VPS35L: variants seen among roughly 807,000 people sequenced by gnomAD.
The protein encoded by VPS35L is VPS35 endosomal protein sorting factor like.
Under a neutral mutation model 133.0 loss-of-function variants are expected in VPS35L, and 83 were observed. The observed-to-expected ratio is 0.62, with a 90% CI of 0.52 to 0.75. The LOEUF is 0.75. Ranked by LOEUF, VPS35L falls within the 30% of genes least tolerant of loss-of-function variation. VPS35L has a pLI of 0.00. For missense variants in VPS35L, 1,083 were observed against 1,206.8 expected (o/e 0.90, Z 1.52); for synonymous variants, 423 against 449.9 (o/e 0.94, Z 0.76).
At chr16:19,613,163 C>T (rs1212333050) in intron 12 of VPS35L, among the ~76,000 whole-genome samples, 3 of 152,070 alleles carry the variant, frequency 2.0e-5, no homozygotes, top group Non-Finnish European at 2.9e-5. Context: ...ATTAGCCGGG[C>T]GTGGTGGTAC....
chr16:19,569,817 C>T (rs1490661768), intron 3 of VPS35L, among the ~76,000 whole-genome samples: 1 of 152,016 alleles, frequency 6.6e-6, no homozygotes, highest in East Asian at 1.9e-4. Flanking sequence ...TATAGGTACA[C>T]ACTACTGTGC....
rs1434705532 is a variant in VPS35L at position 19,610,308 on chromosome 16, T to G, written c.930-14T>G. 6.2e-7 allele frequency: 1 copy of G among 1,611,634 alleles called. No homozygotes were observed. The highest frequency in any genetic ancestry group is 1.3e-5 in the African/African-American group (1 of 74,838). ...ACGTCGAATATAATGCTGGCCTGTT[T>G]TTGTCTCTTGCAGGGGAATTTCAGA... On this transcript the variant is annotated splice_polypyrimidine_tract_variant and intron_variant, in intron 11 of 30. Transcript: ENST00000417362.
rs1467857193 is a variant in VPS35L, at chr16:19,627,750, G to A, written c.1328G>A (p.Arg443Lys). The A allele has an allele frequency of 4.3e-6, 7 of 1,613,996 alleles. No homozygotes were observed. The African/African-American group carries it at 9.3e-5, about 22-fold the overall frequency. The change falls in exon 16 of 31, where the codon AGG (arginine) becomes AAG (lysine). Residue 443 changes from arginine (R) to lysine (K), a missense_variant. By Grantham distance (26) the Arg-to-Lys change is conservative (BLOSUM62 2). Transcript: ENST00000417362. ...TTCCGGGCTGAGTTCATCGCCACAA[G>A]GTCTATGGATTTCATTGGCATGATT... ...SAFRAEFIAT[R>K]SMDFIGMIKE...
chr16:19,591,566 G>A (rs765855002), intron 7 of VPS35L, among the ~76,000 whole-genome samples: 8 of 151,596 alleles, frequency 5.3e-5, no homozygotes, highest in Non-Finnish European at 1.0e-4. Context: ...AAAAAAAAAG[G>A]AAGGGAAAAC....
chr16:19,624,975 G>C (rs1043722903), intron 14 of VPS35L, among the ~76,000 whole-genome samples: 3 of 151,912 alleles, frequency 2.0e-5, no homozygotes, highest in Non-Finnish European at 4.4e-5. Context: ...TGCCCTAAAT[G>C]ATCCTTCTTC....
intron 8 of VPS35L, among the ~76,000 whole-genome samples, chr16:19,599,127 C>T (rs914015977): frequency 1.3e-5 from 2 of 152,310 alleles, no homozygotes; most frequent in African/African-American, 2.4e-5. Flanking sequence ...AGAACTGGGG[C>T]TTGTTCTCTA....
chr16:19,674,005 G>A lies in VPS35L; in HGVS notation c.2361+4706G>A, dbSNP rs145643823. On this transcript the variant is annotated intron_variant, in intron 27 of 30. Transcript: ENST00000417362. ...CCCTGTATCCCTCCTTGTGGGACGC[G>A]GCATTAGTAACTACTCACAGATGCT... Among the ~76,000 whole-genome samples the A allele has an allele frequency of 2.3e-3, 353 of 152,000 alleles. 2 individuals carry two copies. The highest frequency in any genetic ancestry group is 7.5e-3 in the African/African-American group (310 of 41,450).
chr16:19,581,841 G>A (rs7184710), intron 7 of VPS35L, 188 bp downstream of exon 7: 93,527 of 699,100 alleles, frequency 0.13, 6,855 homozygotes, highest in Middle Eastern at 0.2. Context: ...TAATCCCAGG[G>A]TTACCATGTG....
chr16:19,644,052 C>T (rs1261608825), intron 22 of VPS35L, among the ~76,000 whole-genome samples: 1 of 151,996 alleles, frequency 6.6e-6, no homozygotes, highest in Non-Finnish European at 1.5e-5. Context: ...GAGAACAAAC[C>T]AACAAACAAA....
In VPS35L at chr16:19,627,691, C is replaced by T. The variant is rs754779380; in HGVS notation, c.1272-3C>T. 1 of 1,607,402 alleles carries T rather than the reference C, an allele frequency of 6.2e-7. No homozygotes were observed. The highest frequency in any genetic ancestry group is 2.2e-5 in the East Asian group (1 of 44,848). ...GGCTGACTTGGGGATCTGTGTCTTGCAGTGCCTTGCTGTTGAATTCTGTGA... is the reference window on the plus strand; with the variant it reads ...GGCTGACTTGGGGATCTGTGTCTTGTAGTGCCTTGCTGTTGAATTCTGTGA... On this transcript the variant is annotated splice_polypyrimidine_tract_variant and splice_region_variant and intron_variant, in intron 15 of 30. Transcript: ENST00000417362.
At chr16:19,673,771 GC>G (rs1375736899) in intron 27 of VPS35L, among the ~76,000 whole-genome samples, 6 of 152,056 alleles carry the variant, frequency 3.9e-5, no homozygotes, top group Non-Finnish European at 8.8e-5. Flanking sequence ...CTCCACCCAA[GC>G]CCCCCAAGGT....
At position 19,573,169 on chromosome 16, in the gene VPS35L, G is replaced by T. The variant is rs144895626; in HGVS notation, c.336G>T (p.Ser112=). 6.2e-7 allele frequency: 1 copy of T among 1,613,774 alleles called. No homozygotes were observed. Among genetic ancestry groups the T allele is most frequent in the African/African-American group, 1.3e-5 (1 of 74,892 alleles). ...GAGATGATAACTCCGTTGTAGGATC[G>T]GATTTTGAGCCTTGGACCAACAAAC... ...RDRDDNSVVG[S]DFEPWTNKRG... The change falls in exon 4 of 31, where the codon TCG becomes TCT. Residue 112 remains serine, a synonymous_variant. Transcript: ENST00000417362.
At chr16:19,676,145 A>G (rs1458924788) in intron 27 of VPS35L, among the ~76,000 whole-genome samples, 16 of 152,132 alleles carry the variant, frequency 1.1e-4, no homozygotes, top group Admixed American at 1.0e-3. Flanking sequence ...CCAGCTGCTC[A>G]GGAGGCTGAG....
chr16:19,599,596 G>A (rs1280246453), intron 8 of VPS35L, among the ~76,000 whole-genome samples: 2 of 151,570 alleles, frequency 1.3e-5, no homozygotes, highest in African/African-American at 4.9e-5. Context: ...GAGTGCAGCG[G>A]CACAATCATA....
In VPS35L at chr16:19,700,391, A is replaced by G. The variant is rs777035010; in HGVS notation, c.2807A>G (p.Glu936Gly). 1.2e-6 allele frequency: 2 copies of G among 1,614,048 alleles called. No homozygotes were observed. Among genetic ancestry groups the G allele is most frequent in the Non-Finnish European group, 1.7e-6 (2 of 1,179,886 alleles). The change falls in exon 31 of 31, where the codon GAA (glutamate) becomes GGA (glycine). Residue 936 changes from glutamate to glycine, a missense_variant. By Grantham distance (98) the Glu-to-Gly change is moderately conservative (BLOSUM62 -2). Transcript: ENST00000417362. ...TTTTCCTCATAGGTGAAAACGCTAG[A>G]ATACATCAAGAAGCAAAGCAAACAA... ...ADTRTMVKTL[E>G]YIKKQSKQPD...
At chr16:19,664,910 A>C (rs1032645842) in intron 26 of VPS35L, among the ~76,000 whole-genome samples, 4 of 151,968 alleles carry the variant, frequency 2.6e-5, no homozygotes, top group Admixed American at 1.3e-4. Flanking sequence ...AAAAAAAAAA[A>C]AAACAAAAAA....
chr16:19,578,137 T>C (rs918170495), intron 5 of VPS35L, among the ~76,000 whole-genome samples: 7 of 152,212 alleles, frequency 4.6e-5, no homozygotes, highest in African/African-American at 2.4e-5. Context: ...TCAATTTGTT[T>C]ACATATTATC....
At chr16:19,648,101 C>G (rs1974009832) in intron 24 of VPS35L, among the ~76,000 whole-genome samples, 1 of 152,066 alleles carries the variant, frequency 6.6e-6, no homozygotes, top group African/African-American at 2.4e-5. Context: ...ACTACCAGCT[C>G]AAGCCACGAT....
In VPS35L at chr16:19,633,076, C is replaced by T; in HGVS notation, c.1555-16C>T. 1 of 1,613,172 alleles carries T rather than the reference C, an allele frequency of 6.2e-7. No homozygotes were observed. Among genetic ancestry groups the T allele is most frequent in the Non-Finnish European group, 8.5e-7 (1 of 1,179,148 alleles). ...TACAGTGTCTAATTCAGGTTTGGTT[C>T]CTTTTTCCTGCTTAGAAACGAGAGG... is the stretch of plus-strand genomic sequence containing the variant. On this transcript the variant is annotated splice_polypyrimidine_tract_variant and intron_variant, in intron 18 of 30. Coordinates refer to ENST00000417362, the MANE Select transcript of VPS35L (RefSeq NM_020314.7). This position sits in a 1 kb window ranked among gnomAD's most constrained non-coding sequence, Gnocchi z 4.1.
Sources: allele counts gnomAD v4.1 joint callset (sites outside exome capture counted in the v4.1 genomes callset), GRCh38; gene constraint gnomAD v4.1.1; non-coding constraint Gnocchi (gnomAD v3.1); transcripts MANE v1.5; gene names NCBI Gene and HGNC (gene_info 2026-07-23, HGNC 2026-07-21).